The following ARHGAP32 variants were observed in gnomAD, a reference collection of about 807,000 sequenced individuals.
ARHGAP32 encodes the protein Rho GTPase activating protein 32.
A neutral mutation model predicts 186.5 loss-of-function variants in ARHGAP32; 51 were observed. The observed-to-expected ratio is 0.27, with a 90% CI of 0.22 to 0.35. The LOEUF (loss-of-function observed/expected upper bound fraction) is 0.35, where lower values mean the gene tolerates loss of function less well. Among genes scored for constraint, ARHGAP32 ranks in the 10% least tolerant of loss-of-function variants. The pLI, the probability that ARHGAP32 is intolerant of heterozygous loss-of-function variation, is 1.00. For missense variants in ARHGAP32, 2,186 were observed against 2,623.5 expected (o/e 0.83, Z 3.64); for synonymous variants, 950 against 964.3 (o/e 0.99, Z 0.27).
chr11:129,188,894 T>G (rs1203942933), intron 1 of ARHGAP32, among the ~76,000 whole-genome samples: 1 of 152,192 alleles, frequency 6.6e-6, no homozygotes, highest in African/African-American at 2.4e-5. Context: ...TATGTCATAT[T>G]TGCCAGGCTG....
chr11:129,232,023 C>CAAAAAAA (rs71057935), intron 1 of ARHGAP32, among the ~76,000 whole-genome samples: 2 of 64,548 alleles, frequency 3.1e-5, no homozygotes, highest in African/African-American at 1.2e-4. Flanking sequence ...GAGACGGACT[C>CAAAAAAA]AAAAAAAAAA....
At position 129,164,358 on chromosome 11, in the gene ARHGAP32, A is replaced by G; in HGVS notation, c.186T>C (p.Pro62=). The G allele has an allele frequency of 1.9e-6, 3 of 1,583,914 alleles. No homozygotes were observed. The highest frequency in any genetic ancestry group is 2.6e-6 in the Non-Finnish European group (3 of 1,163,464). Residue 62 remains proline, a synonymous_variant, in exon 2 of 23, where the codon CCT becomes CCC. Coordinates refer to ENST00000682385, the MANE Select transcript of ARHGAP32 (RefSeq NM_001378024.1). ...TTTCTTCCCAATCAGGCCGCTCTCG[A>G]GGGTGTACATTTCTATGTAGCTCTG... ...FVPELHRNVH[P]RERPDWEETL...
At chr11:129,217,790 T>C (rs1166228490) in intron 1 of ARHGAP32, among the ~76,000 whole-genome samples, 2 of 152,200 alleles carry the variant, frequency 1.3e-5, no homozygotes, top group Admixed American at 6.5e-5. Flanking sequence ...AATAGACATA[T>C]ACACGTCACT....
intron 8 of ARHGAP32, 70 bp from the exon 9 acceptor site, chr11:129,064,094 A>T: frequency 7.1e-7 from 1 of 1,411,136 alleles, no homozygotes; most frequent in Non-Finnish European, 9.5e-7. Flanking sequence ...CTATCTATAA[A>T]AGAAATTCAT....
At chr11:129,181,316 T>G (rs1944049581) in intron 1 of ARHGAP32, among the ~76,000 whole-genome samples, 1 of 152,150 alleles carries the variant, frequency 6.6e-6, no homozygotes, top group South Asian at 2.1e-4. Context: ...TAGTCAATTT[T>G]TGTCTGTCTG....
rs928440833 is a variant in ARHGAP32, at chr11:129,134,201, C to A, written c.226-9307G>T. 2.0e-5 allele frequency among the ~76,000 whole-genome samples: 3 copies of A among 151,412 alleles called. No homozygotes were observed. The South Asian group carries it at 6.3e-4, about 32-fold the overall frequency. ...TAAAAACATCTGAAAAAATTCCAAA[C>A]CCTGTTCATTAAAAAAAAAGAGAGC... On this transcript the variant is annotated intron_variant, in intron 2 of 22. Transcript: ENST00000682385.
chr11:129,067,611 T>A (rs1264409799), intron 6 of ARHGAP32, among the ~76,000 whole-genome samples: 4 of 151,792 alleles, frequency 2.6e-5, no homozygotes, highest in Non-Finnish European at 5.9e-5. Flanking sequence ...GTTTATCAGC[T>A]CACACCGCAA....
chr11:129,121,032 C>G (rs1016036644), intron 5 of ARHGAP32, among the ~76,000 whole-genome samples: 1 of 151,942 alleles, frequency 6.6e-6, no homozygotes, highest in African/African-American at 2.4e-5. Context: ...CCCATAAACA[C>G]GTTTAGAATC....
chr11:129,207,074 G>A lies in ARHGAP32; in HGVS notation c.-4-42647C>T, dbSNP rs1017195910. ...CCAGCATCATCCATGTCCCTGCAAA[G>A]GACATGAACTCATTCTTTTTTATGG... On this transcript the variant is annotated intron_variant, in intron 1 of 6. Transcript: ENST00000525234. 7.2e-5 allele frequency among the ~76,000 whole-genome samples: 11 copies of A among 152,118 alleles called. No individual in the cohort carries two copies. The South Asian group carries it at 8.3e-4, about 11-fold the overall frequency.
chr11:129,107,348 A>C (rs1171391704), intron 5 of ARHGAP32, among the ~76,000 whole-genome samples: 1 of 152,218 alleles, frequency 6.6e-6, no homozygotes. Flanking sequence ...ATAAAAGGAC[A>C]CTAGACAGTA....
At chr11:129,029,271 G>A (rs141178742) in intron 11 of ARHGAP32, among the ~76,000 whole-genome samples, 45 of 151,894 alleles carry the variant, frequency 3.0e-4, no homozygotes, top group African/African-American at 1.0e-3. Flanking sequence ...TTTTGACAGA[G>A]AGAACAAAAA....
At chr11:129,061,161 A>G (rs897694547) in intron 10 of ARHGAP32, among the ~76,000 whole-genome samples, 2 of 152,234 alleles carry the variant, frequency 1.3e-5, no homozygotes, top group Admixed American at 1.3e-4. Flanking sequence ...TTCTAACAAT[A>G]TAGCAGGAGC....
intron 11 of ARHGAP32, among the ~76,000 whole-genome samples, chr11:129,004,618 G>C (rs1205856697): frequency 6.6e-6 from 1 of 151,946 alleles, no homozygotes; most frequent in Non-Finnish European, 1.5e-5. Flanking sequence ...TTACCATATA[G>C]TGACATTCTT....
At chr11:129,185,556 C>T (rs1944142789) in intron 1 of ARHGAP32, among the ~76,000 whole-genome samples, 1 of 152,102 alleles carries the variant, frequency 6.6e-6, no homozygotes, top group Admixed American at 6.5e-5. Flanking sequence ...ACATATGTAA[C>T]AAACCTGCAC....
chr11:129,193,058 T>C (rs1359161934), upstream of ARHGAP32, among the ~76,000 whole-genome samples: 1 of 152,078 alleles, frequency 6.6e-6, no homozygotes. Flanking sequence ...CTGCTGGATA[T>C]TCATGGCTAT....
chr11:129,202,688 T>C (rs1314019416), intron 1 of ARHGAP32, among the ~76,000 whole-genome samples: 1 of 152,170 alleles, frequency 6.6e-6, no homozygotes, highest in East Asian at 1.9e-4. Context: ...CCAAAATCAA[T>C]GGTATTTAAA....
intron 1 of ARHGAP32, among the ~76,000 whole-genome samples, chr11:129,267,652 A>C (rs922210246): frequency 6.6e-6 from 1 of 152,216 alleles, no homozygotes; most frequent in Non-Finnish European, 1.5e-5. Flanking sequence ...TTTATCAGTT[A>C]ACTTGATTCA....
At chr11:129,009,527 C>T (rs1937963172) in intron 11 of ARHGAP32, among the ~76,000 whole-genome samples, 1 of 152,116 alleles carries the variant, frequency 6.6e-6, no homozygotes, top group South Asian at 2.1e-4. Flanking sequence ...TGTGTTGTTC[C>T]CCCCATGCAT....
At chr11:129,030,816 C>CA (rs1342475047) in intron 11 of ARHGAP32, among the ~76,000 whole-genome samples, 1 of 152,150 alleles carries the variant, frequency 6.6e-6, no homozygotes, top group East Asian at 1.9e-4. Context: ...TGGGGCCTAG[C>CA]AGGAGGTGTT....
Sources: allele counts gnomAD v4.1 joint callset (sites outside exome capture counted in the v4.1 genomes callset), GRCh38; gene constraint gnomAD v4.1.1; transcripts MANE v1.5; gene names NCBI Gene and HGNC (gene_info 2026-07-23, HGNC 2026-07-21).